Variants in FNDC3A observed in about 807,000 individuals in gnomAD.
The protein encoded by FNDC3A is fibronectin type-III domain-containing protein 3A.
In FNDC3A, 32 loss-of-function variants were observed where a neutral mutation model predicts 148.9. That is an observed-to-expected ratio of 0.21 (90% CI 0.16 to 0.29). The LOEUF is 0.29. FNDC3A is among the 10% of genes least tolerant of loss of function. The pLI is 1.00. For missense variants in FNDC3A, 1,191 were observed against 1,452.8 expected (o/e 0.82, Z 2.93); for synonymous variants, 472 against 473.6 (o/e 1.00, Z 0.04).
At chr13:49,128,356 C>G (rs545057322) in intron 4 of FNDC3A, among the ~76,000 whole-genome samples, 36 of 152,268 alleles carry the variant, frequency 2.4e-4, no homozygotes, top group African/African-American at 8.7e-4. Context: ...CAGAATAGTC[C>G]TGTCAAATAT....
chr13:48,999,894 A>C (rs1324866889), intron 1 of FNDC3A, among the ~76,000 whole-genome samples: 1 of 152,238 alleles, frequency 6.6e-6, no homozygotes, highest in East Asian at 1.9e-4. Context: ...ATTTGCCAGC[A>C]TCTGGATCTT....
In FNDC3A at chr13:49,147,704, A is replaced by C. The variant is rs148670582; in HGVS notation, c.977+1769A>C. On this transcript the variant is annotated intron_variant, in intron 8 of 25. Transcript: ENST00000492622. Reference sequence around the variant, plus strand: ...GCTGCAGTAAATGTGGGAAAAGCACATCTCTTCAATATACTGATTTTTCCC... The same window carrying C: ...GCTGCAGTAAATGTGGGAAAAGCACCTCTCTTCAATATACTGATTTTTCCC... Among the ~76,000 whole-genome samples, 319 of 152,294 alleles carry C rather than the reference A, an allele frequency of 2.1e-3. 2 individuals are homozygous for C. The highest frequency in any genetic ancestry group is 7.1e-3 in the African/African-American group (295 of 41,558).
At chr13:49,155,476 G>A (rs1294851983) in intron 8 of FNDC3A, among the ~76,000 whole-genome samples, 4 of 145,934 alleles carry the variant, frequency 2.7e-5, no homozygotes, top group Admixed American at 6.8e-5. Context: ...ACCAGCTCCT[G>A]GATTCATTAA....
chr13:49,177,782 A>G (rs1415268924), intron 13 of FNDC3A, among the ~76,000 whole-genome samples: 1 of 152,214 alleles, frequency 6.6e-6, no homozygotes, highest in Non-Finnish European at 1.5e-5. Flanking sequence ...ACATTATGCT[A>G]AAGAACCCAG....
At chr13:49,086,347 A>C (rs1010497456) in intron 3 of FNDC3A, among the ~76,000 whole-genome samples, 7 of 152,142 alleles carry the variant, frequency 4.6e-5, no homozygotes, top group Non-Finnish European at 1.0e-4. Flanking sequence ...AATTTACTTA[A>C]ATTCTGGCCG....
At chr13:49,021,488 C>T (rs1873325620) in intron 2 of FNDC3A, among the ~76,000 whole-genome samples, 2 of 152,152 alleles carry the variant, frequency 1.3e-5, no homozygotes. Flanking sequence ...TACGGTATTC[C>T]AAACCATTCT....
At chr13:49,092,556 A>G (rs1879255436) in intron 3 of FNDC3A, among the ~76,000 whole-genome samples, 1 of 152,168 alleles carries the variant, frequency 6.6e-6, no homozygotes, top group African/African-American at 2.4e-5. Flanking sequence ...CAGGATCAGT[A>G]CTTTGTATCC....
intron 2 of FNDC3A, among the ~76,000 whole-genome samples, chr13:49,054,431 T>C (rs907302352): frequency 2.0e-5 from 3 of 152,190 alleles, no homozygotes; most frequent in African/African-American, 7.2e-5. Flanking sequence ...GCCCCACACA[T>C]TGCACAGAGG....
At chr13:49,075,229 T>C in intron 2 of FNDC3A, 60 bp from the exon 3 acceptor site, 1 of 1,003,624 alleles carries the variant, frequency 1.0e-6, no homozygotes, top group Non-Finnish European at 1.6e-6. Flanking sequence ...CTGTTACTAT[T>C]TTTATATTCT....
At position 49,006,196 on chromosome 13, in the gene FNDC3A, A is replaced by G; in HGVS notation, c.6A>G (p.Ala2=). 1 of 1,586,572 alleles carries G rather than the reference A, an allele frequency of 6.3e-7. No individual in the cohort carries two copies. Among genetic ancestry groups the G allele is most frequent in the Admixed American group, 1.7e-5 (1 of 59,302 alleles). M[A]EHPPLLDTTQ... ...ATATTAATGTCTTATTGATAATGGC[A>G]GAACATCCACCACTACTGGATACAA... The change falls in exon 2 of 26, where the codon GCA becomes GCG. Residue 2 remains alanine (A), a synonymous_variant. Coordinates refer to ENST00000492622, the MANE Select transcript of FNDC3A (RefSeq NM_001079673.2).
chr13:49,084,715 C>T (rs531983228), intron 3 of FNDC3A, among the ~76,000 whole-genome samples: 10 of 152,230 alleles, frequency 6.6e-5, no homozygotes, highest in Admixed American at 6.5e-4. Context: ...TGATTGTGAA[C>T]CTCGTCACCT....
intron 2 of FNDC3A, among the ~76,000 whole-genome samples, chr13:49,032,533 G>A (rs891275838): frequency 2.6e-5 from 4 of 152,156 alleles, no homozygotes; most frequent in Admixed American, 1.3e-4. Context: ...AGTCTTAAAA[G>A]TCTACAGACT....
At chr13:49,190,755 A>G (rs1434246868) in intron 17 of FNDC3A, among the ~76,000 whole-genome samples, 2 of 152,214 alleles carry the variant, frequency 1.3e-5, no homozygotes, top group Non-Finnish European at 2.9e-5. Context: ...GGAAGGGTTC[A>G]TTGAAGTTCT....
rs144413522 is a variant in FNDC3A, at chr13:49,022,900, A to C, written c.99+16611A>C. Among the ~76,000 whole-genome samples, 429 of 152,258 alleles carry C rather than the reference A, an allele frequency of 2.8e-3. 2 individuals carry two copies. The highest frequency in any genetic ancestry group is 9.8e-3 in the African/African-American group (408 of 41,564). On this transcript the variant is annotated intron_variant, in intron 2 of 25. Coordinates refer to ENST00000492622, the MANE Select transcript of FNDC3A (RefSeq NM_001079673.2). ...GCTATTACCGTTAACTTTTCTTTAG[A>C]CATAAAAAGCCTTATGCTCAAGGTT... is the stretch of plus-strand genomic sequence containing the variant.
intron 3 of FNDC3A, among the ~76,000 whole-genome samples, chr13:49,095,856 G>A (rs757907339): frequency 2.0e-5 from 3 of 151,994 alleles, no homozygotes; most frequent in African/African-American, 4.8e-5. Flanking sequence ...AGAAACTACC[G>A]TGCATTTATC....
At chr13:49,048,614 C>T (rs375404132) in intron 2 of FNDC3A, among the ~76,000 whole-genome samples, 83 of 152,046 alleles carry the variant, frequency 5.5e-4, no homozygotes, top group South Asian at 3.1e-3. Flanking sequence ...TTTGATTCTC[C>T]GCTTGGTTGC....
intron 14 of FNDC3A, among the ~76,000 whole-genome samples, chr13:49,181,637 ATTG>A (rs1423091328): frequency 1.3e-5 from 2 of 152,138 alleles, no homozygotes; most frequent in Non-Finnish European, 2.9e-5. Context: ...ATTAAATCCT[ATTG>A]TTGTGTCTTG....
intron 13 of FNDC3A, among the ~76,000 whole-genome samples, chr13:49,176,183 A>T (rs965557356): frequency 1.3e-5 from 2 of 152,190 alleles, no homozygotes; most frequent in African/African-American, 4.8e-5. Context: ...AGGTTTTGGT[A>T]TCAGGATGAT....
chr13:49,120,828 C>G (rs1593617925), intron 4 of FNDC3A, among the ~76,000 whole-genome samples: 1 of 152,142 alleles, frequency 6.6e-6, no homozygotes. Flanking sequence ...AATACAGGAG[C>G]ACCCAGATTT....
Sources: allele counts gnomAD v4.1 joint callset (sites outside exome capture counted in the v4.1 genomes callset), GRCh38; gene constraint gnomAD v4.1.1; transcripts MANE v1.5; gene names NCBI Gene and HGNC (gene_info 2026-07-23, HGNC 2026-07-21).